Variants in TF observed in about 807,000 individuals in gnomAD.
The protein encoded by TF is serotransferrin.
TF carries 55 observed loss-of-function variants against 82.4 expected under a neutral mutation model. The observed-to-expected ratio is 0.67, with a 90% CI of 0.54 to 0.84. TF has a LOEUF of 0.84. Among genes scored for constraint, TF ranks in the 40% least tolerant of loss-of-function variants. The pLI, the probability that TF is intolerant of heterozygous loss-of-function variation, is 0.00. For synonymous variants in TF, 332 were observed against 332.6 expected (o/e 1.00, Z 0.02); for missense variants, 737 against 868.4 (o/e 0.85, Z 1.90).
At chr3:133,737,397 T>A in the TF span, among the ~76,000 whole-genome samples, 1 of 151,646 alleles carries the variant, frequency 6.6e-6, no homozygotes, top group African/African-American at 2.4e-5. Flanking sequence ...AACATCACAA[T>A]TAAAAGAACT....
the TF span, among the ~76,000 whole-genome samples, chr3:133,736,631 CAAAA>C: frequency 1.2e-4 from 4 of 32,552 alleles, no homozygotes; most frequent in Admixed American, 4.7e-4. Flanking sequence ...AATGGAAAGC[CAAAA>C]AAAAAAAAAA....
chr3:133,720,358 T>C, the TF span, among the ~76,000 whole-genome samples: 7 of 152,196 alleles, frequency 4.6e-5, no homozygotes, highest in African/African-American at 1.7e-4. Context: ...AATAATCATA[T>C]GGTTTTTGTC....
the TF span, among the ~76,000 whole-genome samples, chr3:133,665,774 T>A: frequency 6.6e-6 from 1 of 151,302 alleles, no homozygotes; most frequent in African/African-American, 2.4e-5. Context: ...AAGAAACCCA[T>A]CTCTACTAAA....
At chr3:133,706,008 G>A in the TF span, among the ~76,000 whole-genome samples, 1 of 152,178 alleles carries the variant, frequency 6.6e-6, no homozygotes, top group Admixed American at 6.5e-5. Context: ...GAGTATGTGG[G>A]CATTGTTGTC....
the TF span, among the ~76,000 whole-genome samples, chr3:133,680,837 C>A: frequency 2.6e-5 from 4 of 151,980 alleles, no homozygotes; most frequent in Non-Finnish European, 5.9e-5. Context: ...TCAAACAGAC[C>A]CAGATGGTTC....
chr3:133,702,915 CA>C, the TF span, among the ~76,000 whole-genome samples: 2 of 152,100 alleles, frequency 1.3e-5, no homozygotes, highest in Non-Finnish European at 2.9e-5. Flanking sequence ...AAGTAAATCT[CA>C]GTACATATAA....
At chr3:133,676,909 T>C in the TF span, among the ~76,000 whole-genome samples, 1 of 152,364 alleles carries the variant, frequency 6.6e-6, no homozygotes, top group Admixed American at 6.5e-5. Flanking sequence ...TCCTCATTCA[T>C]CTTCCCTCCT....
the TF span, among the ~76,000 whole-genome samples, chr3:133,732,755 A>G: frequency 2.0e-5 from 3 of 152,142 alleles, no homozygotes; most frequent in East Asian, 1.9e-4. Context: ...GAACTGTAAC[A>G]CTCGCTGCAA....
upstream of TF, among the ~76,000 whole-genome samples, chr3:133,741,684 C>T (rs1351991990): frequency 6.6e-6 from 1 of 152,038 alleles, no homozygotes; most frequent in Non-Finnish European, 1.5e-5. Flanking sequence ...AGGGTCATAC[C>T]GTTTTCCTTT....
intron 3 of TF, 134 bp downstream of exon 3, chr3:133,753,837 G>C (rs41298979): frequency 1.3e-6 from 1 of 782,860 alleles, no homozygotes; most frequent in East Asian, 2.6e-5. Context: ...AGAATGAGGG[G>C]CCCTGTCAGC....
the TF span, among the ~76,000 whole-genome samples, chr3:133,663,467 A>G: frequency 6.6e-6 from 1 of 150,688 alleles, no homozygotes; most frequent in Non-Finnish European, 1.5e-5. Flanking sequence ...GCAAAAAAAC[A>G]AAAATCACTA....
chr3:133,732,664 G>A, the TF span, among the ~76,000 whole-genome samples: 2 of 152,174 alleles, frequency 1.3e-5, no homozygotes, highest in Admixed American at 1.3e-4. Flanking sequence ...AAGTCAGCAA[G>A]ACCACCAGCA....
chr3:133,752,008 A>G (rs1056745027), intron 2 of TF, among the ~76,000 whole-genome samples: 2 of 152,158 alleles, frequency 1.3e-5, no homozygotes, highest in Non-Finnish European at 2.9e-5. Context: ...TTTGTCTTAC[A>G]ACATATTTTA....
the TF span, among the ~76,000 whole-genome samples, chr3:133,730,498 A>G: frequency 2.6e-5 from 4 of 152,186 alleles, no homozygotes; most frequent in African/African-American, 9.7e-5. Flanking sequence ...AGGAGAGTCA[A>G]CCTTGCAGTC....
the TF span, among the ~76,000 whole-genome samples, chr3:133,695,931 G>A: frequency 6.6e-6 from 1 of 152,216 alleles, no homozygotes. Flanking sequence ...CACAACCTGG[G>A]AGGGACAGAG....
In TF at chr3:133,783,921, T is replaced by A. The variant is rs1042714321; in HGVS notation, c.*5301T>A. On this transcript the variant is annotated 3_prime_UTR_variant, in exon 17 of 17. Coordinates refer to ENST00000402696, the MANE Select transcript of TF (RefSeq NM_001063.4). ...GCCGCCTGGACGCAGCGCCCCTGGG[T>A]GGCGGCAGGTATAGCAGGGCGGGAA... The A allele has an allele frequency of 6.6e-6, 1 of 152,302 alleles. No homozygotes were observed. Among genetic ancestry groups the A allele is most frequent in the Non-Finnish European group, 1.5e-5 (1 of 68,106 alleles). 9.4% of individuals were successfully genotyped at this position (152,302 alleles called of 1,614,324 possible).
the TF span, among the ~76,000 whole-genome samples, chr3:133,696,793 C>CTTT: frequency 7.0e-6 from 1 of 142,002 alleles, no homozygotes; most frequent in Non-Finnish European, 1.6e-5. Flanking sequence ...ACTTCTTCTT[C>CTTT]TTTTTTTTTT....
the TF span, among the ~76,000 whole-genome samples, chr3:133,673,064 C>T: frequency 6.6e-6 from 1 of 152,074 alleles, no homozygotes; most frequent in Non-Finnish European, 1.5e-5. Context: ...TCCCTATCAC[C>T]CTTCTACTCA....
chr3:133,689,608 G>A, the TF span, among the ~76,000 whole-genome samples: 1 of 152,122 alleles, frequency 6.6e-6, no homozygotes, highest in East Asian at 1.9e-4. Flanking sequence ...AGTAGCAGGG[G>A]AGTGGCTGAG....
Sources: gnomAD v4.1 joint callset for allele counts (sites outside exome capture counted in the v4.1 genomes callset) on GRCh38, gnomAD v4.1.1 for gene constraint, MANE v1.5 for transcripts, NCBI Gene and HGNC (gene_info 2026-07-23, HGNC 2026-07-21) for gene names.